ATF7IP2: variants seen among roughly 807,000 people sequenced by gnomAD.
ATF7IP2 encodes the protein activating transcription factor 7 interacting protein 2, also known as activating transcription factor 7-interacting protein 2.
Under a neutral mutation model 64.2 loss-of-function variants are expected in ATF7IP2, and 42 were observed. The observed-to-expected ratio is 0.65, with a 90% confidence interval of 0.51 to 0.85. The LOEUF (loss-of-function observed/expected upper bound fraction) is 0.85, where lower values mean the gene tolerates loss of function less well. ATF7IP2 is among the 40% of genes least tolerant of loss of function. ATF7IP2 has a pLI of 0.00. For missense variants in ATF7IP2, 933 were observed against 784.2 expected (o/e 1.19, Z -2.27); for synonymous variants, 308 against 272.8 (o/e 1.13, Z -1.27).
intron 8 of ATF7IP2, 187 bp from the exon 9 acceptor site, chr16:10,457,185 T>C (rs2049198510): frequency 9.6e-6 from 5 of 523,134 alleles, no homozygotes; most frequent in Non-Finnish European, 1.7e-5. Context: ...TTTTTATTTC[T>C]TCGGAGTTTT....
intron 1 of ATF7IP2, among the ~76,000 whole-genome samples, chr16:10,406,698 C>G (rs1398646673): frequency 6.6e-6 from 1 of 151,996 alleles, no homozygotes; most frequent in African/African-American, 2.4e-5. Flanking sequence ...ATACAACCTA[C>G]AAAGATTGAA....
chr16:10,478,578 C>T (rs1213041375), intron 12 of ATF7IP2, among the ~76,000 whole-genome samples: 2 of 152,124 alleles, frequency 1.3e-5, no homozygotes, highest in African/African-American at 4.8e-5. Flanking sequence ...CATGACCATT[C>T]AGGACATAGG....
chr16:10,403,940 C>G (rs1016569010), intron 1 of ATF7IP2, among the ~76,000 whole-genome samples: 5 of 152,088 alleles, frequency 3.3e-5, no homozygotes, highest in Non-Finnish European at 7.4e-5. Flanking sequence ...TACGAGACTA[C>G]ATAAAGCCGC....
chr16:10,389,131 G>T (rs1288456150), intron 1 of ATF7IP2, among the ~76,000 whole-genome samples: 2 of 152,126 alleles, frequency 1.3e-5, no homozygotes, highest in African/African-American at 2.4e-5. Context: ...AGGAGGGAAG[G>T]TTGATAATAT....
chr16:10,409,757 A>G (rs894619855), intron 1 of ATF7IP2, among the ~76,000 whole-genome samples: 2 of 152,230 alleles, frequency 1.3e-5, no homozygotes, highest in African/African-American at 2.4e-5. Flanking sequence ...TTTTTGTCTA[A>G]GGTGAGAGAT....
intron 13 of ATF7IP2, 26 bp downstream of exon 13, chr16:10,480,990 G>T: frequency 6.6e-7 from 1 of 1,509,100 alleles, no homozygotes; most frequent in Non-Finnish European, 9.2e-7. Context: ...GCTCTGTAAG[G>T]GATATTTATT....
intron 3 of ATF7IP2, among the ~76,000 whole-genome samples, chr16:10,421,034 C>T (rs1400893059): frequency 1.3e-5 from 2 of 152,186 alleles, no homozygotes; most frequent in Non-Finnish European, 2.9e-5. Context: ...AGAATATCCA[C>T]AAAGTCAGCT....
At chr16:10,480,184 A>C (rs1381289227) in intron 12 of ATF7IP2, among the ~76,000 whole-genome samples, 2 of 151,576 alleles carry the variant, frequency 1.3e-5, no homozygotes, top group East Asian at 1.9e-4. Context: ...ACAGCATTCT[A>C]CCATGTTGCC....
At chr16:10,388,754 T>A (rs2047259142) in intron 1 of ATF7IP2, among the ~76,000 whole-genome samples, 1 of 152,168 alleles carries the variant, frequency 6.6e-6, no homozygotes, top group African/African-American at 2.4e-5. Flanking sequence ...CTCACACCTG[T>A]AATCCCAGCA....
At position 10,430,839 on chromosome 16, in the gene ATF7IP2, T is replaced by G. The variant is rs1217861777; in HGVS notation, c.219T>G (p.Gly73=). The G allele has an allele frequency of 6.2e-7, 1 of 1,613,834 alleles. No homozygotes were observed. Among genetic ancestry groups the G allele is most frequent in the African/African-American group, 1.3e-5 (1 of 74,916 alleles). Residue 73 remains glycine, a synonymous_variant, in exon 5 of 14, where the codon GGT becomes GGG. Transcript: ENST00000562102. The part of the protein sequence containing the change: ...EITKCSPSEN[G]ASSLDSNKNS... ...CCAAATGTAGCCCTTCTGAAAATGG[T>G]GCATCCTCATTGGACTCTAATAAAA... is the stretch of plus-strand genomic sequence containing the variant.
intron 8 of ATF7IP2, among the ~76,000 whole-genome samples, chr16:10,451,977 G>A (rs775983515): frequency 3.9e-5 from 6 of 152,084 alleles, no homozygotes; most frequent in African/African-American, 9.6e-5. Flanking sequence ...GCTTGAACCC[G>A]GGAGGCAGAG....
intron 1 of ATF7IP2, among the ~76,000 whole-genome samples, chr16:10,401,527 C>A (rs1171396501): frequency 6.6e-6 from 1 of 152,056 alleles, no homozygotes; most frequent in Non-Finnish European, 1.5e-5. Context: ...AGGATTATTT[C>A]ATTTATGTTT....
chr16:10,470,117 G>A (rs1322759330), intron 9 of ATF7IP2, among the ~76,000 whole-genome samples: 3 of 152,076 alleles, frequency 2.0e-5, no homozygotes, highest in African/African-American at 7.2e-5. Context: ...TTGTAAATAT[G>A]TTGGCAAATA....
chr16:10,411,787 C>G (rs1486728720), intron 1 of ATF7IP2, among the ~76,000 whole-genome samples: 1 of 151,900 alleles, frequency 6.6e-6, no homozygotes, highest in Non-Finnish European at 1.5e-5. Flanking sequence ...ATTTATCCAT[C>G]TCCTCTAGGT....
intron 1 of ATF7IP2, among the ~76,000 whole-genome samples, chr16:10,411,918 TCCTCAGC>T (rs747880490): frequency 4.8e-5 from 7 of 146,886 alleles, no homozygotes; most frequent in African/African-American, 9.9e-5. Context: ...TTTTTTTTTT[TCCTCAGC>T]TTTTCTTGGT....
rs375021338 is a variant in ATF7IP2, at chr16:10,431,289, C to T, written c.669C>T (p.Asp223=). The T allele has an allele frequency of 9.9e-6, 16 of 1,614,078 alleles. No individual in the cohort carries two copies. The African/African-American group carries it at 2.1e-4, about 22-fold the overall frequency. The part of the protein sequence containing the change: ...RQSDNILCSE[D]SGFVPVEKTP... ...GTGACAACATTTTATGTTCAGAAGA[C>T]TCAGGTTTTGTGCCTGTTGAGAAAA... is the stretch of plus-strand genomic sequence containing the variant. The change falls in exon 5 of 14, where the codon GAC becomes GAT. Residue 223 remains aspartate (D), a synonymous_variant. Transcript: ENST00000562102.
rs1359198341 is a variant in ATF7IP2 at position 10,431,037 on chromosome 16, C to T, written c.417C>T (p.Asn139=). 1 of 1,614,142 alleles carries T rather than the reference C, an allele frequency of 6.2e-7. No homozygotes were observed. The highest frequency in any genetic ancestry group is 2.2e-5 in the East Asian group (1 of 44,886). The change falls in exon 5 of 14, where the codon AAC becomes AAT. Residue 139 remains asparagine (N), a synonymous_variant. Transcript: ENST00000562102. ...CAGAAGAGGCAAAAGATTCACTGAA[C>T]ACTTCTGAAAACGATTCTGAGCATC... The part of the protein sequence containing the change: ...VFTEEAKDSL[N]TSENDSEHQT...
chr16:10,473,822 A>T (rs2049897890), intron 11 of ATF7IP2, 101 bp from the exon 12 acceptor site: 1 of 771,182 alleles, frequency 1.3e-6, no homozygotes, highest in Non-Finnish European at 2.1e-6. Context: ...CCGAATGGTG[A>T]TTTAAAATTA....
At chr16:10,455,409 A>G (rs1449185654) in intron 8 of ATF7IP2, among the ~76,000 whole-genome samples, 1 of 152,248 alleles carries the variant, frequency 6.6e-6, no homozygotes, top group East Asian at 1.9e-4. Flanking sequence ...TCCAGAAGGA[A>G]GGCCAGTACC....
Sources: allele counts gnomAD v4.1 joint callset (sites outside exome capture counted in the v4.1 genomes callset), GRCh38; gene constraint gnomAD v4.1.1; transcripts MANE v1.5; gene names NCBI Gene and HGNC (gene_info 2026-07-23, HGNC 2026-07-21).